ELAPOR2: variants seen among roughly 807,000 people sequenced by gnomAD.
ELAPOR2 encodes endosome/lysosome-associated apoptosis and autophagy regulator family member 2.
In ELAPOR2, 89 loss-of-function variants were observed where a neutral mutation model predicts 120.7. The ratio of observed to expected loss-of-function variants is 0.74; its 90% CI spans 0.62 to 0.88. ELAPOR2 has a LOEUF of 0.88. ELAPOR2 is among the 40% of genes least tolerant of loss of function. The pLI, the probability that ELAPOR2 is intolerant of heterozygous loss-of-function variation, is 0.00. For synonymous variants in ELAPOR2, 444 were observed against 444.9 expected (o/e 1.00, Z 0.03); for missense variants, 1,134 against 1,251.6 (o/e 0.91, Z 1.42).
At chr7:87,019,189 G>A (rs1458720841) in intron 1 of ELAPOR2, among the ~76,000 whole-genome samples, 1 of 151,962 alleles carries the variant, frequency 6.6e-6, no homozygotes, top group Admixed American at 6.6e-5. Context: ...TTTGAGACAC[G>A]GTTTTGCCCT....
At chr7:86,982,986 C>T (rs1302933378) in intron 1 of ELAPOR2, among the ~76,000 whole-genome samples, 1 of 152,130 alleles carries the variant, frequency 6.6e-6, no homozygotes, top group Non-Finnish European at 1.5e-5. Flanking sequence ...GTAGAGAAGA[C>T]CTTAAATGGC....
At chr7:87,034,341 G>A (rs1794514470) in intron 1 of ELAPOR2, among the ~76,000 whole-genome samples, 1 of 151,958 alleles carries the variant, frequency 6.6e-6, no homozygotes, top group African/African-American at 2.4e-5. Context: ...CCTGGCTATT[G>A]TTATTATTTA....
intron 1 of ELAPOR2, among the ~76,000 whole-genome samples, chr7:87,009,767 A>C (rs1050614801): frequency 2.6e-5 from 4 of 152,178 alleles, no homozygotes; most frequent in Non-Finnish European, 5.9e-5. Context: ...CAGGCTAATA[A>C]GTATTTAGAA....
chr7:87,040,409 C>G lies in ELAPOR2; in HGVS notation c.189+18916G>C, dbSNP rs553053973. On this transcript the variant is annotated intron_variant, in intron 1 of 21. Transcript: ENST00000450689. ...GAAGAGAGCAGTGGTTCTCCCAGCA[C>G]GCAGCTGGAGATCTGAGAATGGGCA... is the stretch of plus-strand genomic sequence containing the variant. 7.9e-3 allele frequency among the ~76,000 whole-genome samples: 1,202 copies of G among 152,038 alleles called. 13 individuals are homozygous for G. The highest frequency in any genetic ancestry group is 0.028 in the African/African-American group (1,154 of 41,458).
chr7:86,881,701 G>T (rs1046633012), intron 21 of ELAPOR2, among the ~76,000 whole-genome samples: 2 of 152,100 alleles, frequency 1.3e-5, no homozygotes, highest in South Asian at 4.1e-4. Context: ...TTGCCATGTT[G>T]CCCAGGCTTC....
chr7:87,043,821 TC>T (rs1794859965), intron 1 of ELAPOR2, among the ~76,000 whole-genome samples: 1 of 150,972 alleles, frequency 6.6e-6, no homozygotes, highest in African/African-American at 2.4e-5. Context: ...AGTCAAATTG[TC>T]CCTGTTTGCA....
intron 1 of ELAPOR2, among the ~76,000 whole-genome samples, chr7:87,056,372 C>G (rs1584053906): frequency 6.6e-6 from 1 of 152,186 alleles, no homozygotes; most frequent in South Asian, 2.1e-4. Context: ...TATAAGTTCA[C>G]CCCATACAAA....
At chr7:86,992,713 T>A (rs1792985199) in intron 1 of ELAPOR2, among the ~76,000 whole-genome samples, 2 of 152,204 alleles carry the variant, frequency 1.3e-5, no homozygotes, top group Admixed American at 1.3e-4. Context: ...TAGAGTCTGA[T>A]CACATTAAAT....
intron 6 of ELAPOR2, among the ~76,000 whole-genome samples, chr7:86,939,577 G>A (rs1249182635): frequency 6.6e-6 from 1 of 152,072 alleles, no homozygotes; most frequent in African/African-American, 2.4e-5. Context: ...TTACCCGGTT[G>A]GCTCAGAGAA....
chr7:86,913,430 C>A (rs921688458), intron 13 of ELAPOR2, among the ~76,000 whole-genome samples: 2 of 152,120 alleles, frequency 1.3e-5, no homozygotes, highest in Non-Finnish European at 2.9e-5. Context: ...AGGAGTTTTG[C>A]CACAATTACT....
intron 1 of ELAPOR2, among the ~76,000 whole-genome samples, chr7:87,001,042 T>A (rs1793299982): frequency 6.6e-6 from 1 of 152,156 alleles, no homozygotes; most frequent in Non-Finnish European, 1.5e-5. Context: ...CATTGTGTAT[T>A]CTTATCCTCC....
intron 8 of ELAPOR2, among the ~76,000 whole-genome samples, chr7:86,931,207 G>A (rs1012856275): frequency 2.0e-5 from 3 of 151,850 alleles, no homozygotes; most frequent in Non-Finnish European, 2.9e-5. Context: ...AAAGAAATTA[G>A]AGGCAATGTT....
At chr7:86,967,039 A>G (rs1791934016) in intron 1 of ELAPOR2, among the ~76,000 whole-genome samples, 1 of 152,172 alleles carries the variant, frequency 6.6e-6, no homozygotes, top group South Asian at 2.1e-4. Flanking sequence ...GATTTTTTGG[A>G]CGACAGGGGC....
intron 1 of ELAPOR2, among the ~76,000 whole-genome samples, chr7:87,011,249 C>CAAAAAAAAAAAAAAAAAA (rs772971682): frequency 1.9e-5 from 1 of 52,986 alleles, no homozygotes; most frequent in African/African-American, 5.5e-5. Flanking sequence ...GACTCCATCT[C>CAAAAAAAAAAAAAAAAAA]AAAAAAAAAA....
chr7:86,968,996 A>C (rs916965155), intron 1 of ELAPOR2, among the ~76,000 whole-genome samples: 1 of 152,204 alleles, frequency 6.6e-6, no homozygotes, highest in Non-Finnish European at 1.5e-5. Flanking sequence ...TATGGAAACC[A>C]GGAAACATCC....
At chr7:87,042,318 G>T (rs1396726511) in intron 1 of ELAPOR2, among the ~76,000 whole-genome samples, 2 of 149,212 alleles carry the variant, frequency 1.3e-5, no homozygotes, top group African/African-American at 5.0e-5. Flanking sequence ...ATTTTTTTCA[G>T]CACCACACCA....
At chr7:87,058,975 CA>C (rs1795348896) in intron 1 of ELAPOR2, among the ~76,000 whole-genome samples, 1 of 151,940 alleles carries the variant, frequency 6.6e-6, no homozygotes. Flanking sequence ...GATGGTTCTT[CA>C]AATCCCACTG....
rs763233995 is a variant in ELAPOR2 at position 86,925,560 on chromosome 7, T to C, written c.1367A>G (p.Asn456Ser). 1.2e-6 allele frequency: 2 copies of C among 1,612,100 alleles called. No individual in the cohort carries two copies. Among genetic ancestry groups the C allele is most frequent in the Non-Finnish European group, 1.7e-6 (2 of 1,178,644 alleles). ...LPGNMKTSCFNVGNSKCDGMN... is the reference protein window; with the variant it reads ...LPGNMKTSCFSVGNSKCDGMN... ...TCCATCGCACTTTGAATTCCCAACATTGAAGCAGGAAGTTTTCATGTTGCC... is the reference window on the plus strand; with the variant it reads ...TCCATCGCACTTTGAATTCCCAACACTGAAGCAGGAAGTTTTCATGTTGCC... Residue 456 changes from asparagine (N) to serine (S), a missense_variant, in exon 10 of 22, where the codon AAT becomes AGT. Physicochemically the swap from Asn to Ser is conservative, Grantham distance 46 (BLOSUM62 1). Transcript: ENST00000450689.
At chr7:86,886,614 CT>C (rs1799702503) in intron 21 of ELAPOR2, among the ~76,000 whole-genome samples, 2 of 152,146 alleles carry the variant, frequency 1.3e-5, no homozygotes, top group Admixed American at 6.5e-5. Flanking sequence ...GACTCTACAG[CT>C]TGATAGTCCC....
Sources: gnomAD v4.1 joint callset for allele counts (sites outside exome capture counted in the v4.1 genomes callset) on GRCh38, gnomAD v4.1.1 for gene constraint, MANE v1.5 for transcripts, NCBI Gene and HGNC (gene_info 2026-07-23, HGNC 2026-07-21) for gene names.